The following STPG2 variants were observed in gnomAD, a reference collection of about 807,000 sequenced individuals.
STPG2 encodes sperm-tail PG-rich repeat-containing protein 2.
Under a neutral mutation model 54.2 loss-of-function variants are expected in STPG2, and 56 were observed. The observed-to-expected ratio is 1.03, with a 90% CI of 0.83 to 1.29. The LOEUF (loss-of-function observed/expected upper bound fraction) is 1.29, where lower values mean the gene tolerates loss of function less well. Among genes scored for constraint, STPG2 ranks in the 50% most tolerant of loss-of-function variants. The pLI is 0.00. For missense variants in STPG2, 596 were observed against 544.9 expected (o/e 1.09, Z -0.93); for synonymous variants, 200 against 181.8 (o/e 1.10, Z -0.81).
At chr4:97,639,237 T>C (rs1237019453) in intron 10 of STPG2, among the ~76,000 whole-genome samples, 1 of 151,462 alleles carries the variant, frequency 6.6e-6, no homozygotes, top group East Asian at 2.0e-4. Flanking sequence ...CAGTAAACTA[T>C]CGCAAGAACA....
chr4:97,496,317 A>G (rs1730609994), intron 4 of STPG2, among the ~76,000 whole-genome samples: 1 of 151,720 alleles, frequency 6.6e-6, no homozygotes, highest in Admixed American at 6.6e-5. Flanking sequence ...AGTTGAACAG[A>G]ATGTCCTTTG....
chr4:97,944,108 G>A, intron 7 of STPG2, 101 bp from the exon 8 acceptor site: 15 of 730,826 alleles, frequency 2.1e-5, no homozygotes, highest in South Asian at 8.7e-5. Context: ...AGTATTATCT[G>A]GCATTAAATA....
intron 8 of STPG2, among the ~76,000 whole-genome samples, chr4:97,927,439 C>A (rs75780441): frequency 0.019 from 2,840 of 152,106 alleles, 94 homozygotes; most frequent in African/African-American, 0.065. Flanking sequence ...ACCTGATAGT[C>A]AACTTTTAGT....
chr4:97,955,957 A>G (rs926762974), intron 7 of STPG2, among the ~76,000 whole-genome samples: 3 of 152,338 alleles, frequency 2.0e-5, no homozygotes, highest in African/African-American at 7.2e-5. Context: ...GCAGACCTGG[A>G]CCAGAAGAAA....
intron 4 of STPG2, among the ~76,000 whole-genome samples, chr4:97,443,626 T>C (rs1449282290): frequency 3.3e-5 from 5 of 152,220 alleles, no homozygotes; most frequent in African/African-American, 1.2e-4. Context: ...CATCAACTCT[T>C]AACAAAAATG....
At chr4:97,823,818 C>G (rs560932685) in intron 9 of STPG2, among the ~76,000 whole-genome samples, 6 of 152,044 alleles carry the variant, frequency 3.9e-5, no homozygotes, top group Non-Finnish European at 8.8e-5. Context: ...CGAGGCCCAA[C>G]CTAGGAAATT....
At chr4:97,599,616 G>A (rs1733401433) in intron 10 of STPG2, among the ~76,000 whole-genome samples, 1 of 152,060 alleles carries the variant, frequency 6.6e-6, no homozygotes, top group African/African-American at 2.4e-5. Context: ...CAGGTCAGGA[G>A]ATCAAGACCA....
chr4:97,772,413 G>T (rs546327110), intron 9 of STPG2, among the ~76,000 whole-genome samples: 2 of 152,288 alleles, frequency 1.3e-5, no homozygotes, highest in South Asian at 4.1e-4. Flanking sequence ...AGTTTTTAAT[G>T]TAAATAGTGA....
intron 4 of STPG2, among the ~76,000 whole-genome samples, chr4:97,508,068 G>C (rs1399769702): frequency 1.3e-5 from 2 of 151,978 alleles, no homozygotes; most frequent in African/African-American, 4.8e-5. Context: ...AAGCTATATA[G>C]GAGCCCACTA....
intron 4 of STPG2, among the ~76,000 whole-genome samples, chr4:97,512,026 C>CT (rs937301120): frequency 1.3e-5 from 2 of 151,694 alleles, no homozygotes; most frequent in Non-Finnish European, 2.9e-5. Flanking sequence ...GTTTTTTCAA[C>CT]TTTTTTTTCT....
At chr4:98,017,608 A>C (rs1736003558) in intron 5 of STPG2, among the ~76,000 whole-genome samples, 1 of 152,130 alleles carries the variant, frequency 6.6e-6, no homozygotes, top group Non-Finnish European at 1.5e-5. Context: ...AGATACTGTA[A>C]ACTCTTATCT....
intron 4 of STPG2, among the ~76,000 whole-genome samples, chr4:97,480,597 T>C (rs9992086): frequency 0.16 from 24,606 of 151,526 alleles, 4,013 homozygotes; most frequent in African/African-American, 0.42. Flanking sequence ...TATTAATCAT[T>C]AATACTGGAT....
rs541334353 is a variant in STPG2, at chr4:97,480,053, T to C, written c.462+232646A>G. ...GAAACTGGTTCTTTGAAAAGATCAG[T>C]ATAACTGACAAACTTCAAAATGATC... is the stretch of plus-strand genomic sequence containing the variant. On this transcript the variant is annotated intron_variant, in intron 4 of 4. Coordinates refer to the STPG2 transcript ENST00000522676. Among the ~76,000 whole-genome samples, 203 of 151,802 alleles carry C rather than the reference T, an allele frequency of 1.3e-3. 1 individual carries two copies. The highest frequency in any genetic ancestry group is 4.7e-3 in the African/African-American group (195 of 41,526).
At chr4:97,831,953 T>C (rs1472345542) in intron 9 of STPG2, among the ~76,000 whole-genome samples, 1 of 152,190 alleles carries the variant, frequency 6.6e-6, no homozygotes, top group Non-Finnish European at 1.5e-5. Flanking sequence ...AAAGAGGAGC[T>C]GGTACCATTC....
chr4:97,647,085 C>T (rs1317726979), intron 10 of STPG2, among the ~76,000 whole-genome samples: 1 of 152,074 alleles, frequency 6.6e-6, no homozygotes, highest in Admixed American at 6.6e-5. Context: ...TTTTCTATCA[C>T]CCACTAAAAC....
At chr4:98,004,749 G>A (rs1735522673) in intron 5 of STPG2, among the ~76,000 whole-genome samples, 1 of 151,986 alleles carries the variant, frequency 6.6e-6, no homozygotes, top group Non-Finnish European at 1.5e-5. Context: ...GTGATGTTAA[G>A]CATTTTTTCA....
At chr4:97,964,101 C>A (rs1364298912) in intron 7 of STPG2, among the ~76,000 whole-genome samples, 1 of 152,106 alleles carries the variant, frequency 6.6e-6, no homozygotes, top group Admixed American at 6.6e-5. Context: ...ACAAAGGTGA[C>A]CTGCCACAGT....
intron 5 of STPG2, among the ~76,000 whole-genome samples, chr4:98,008,150 C>A (rs554449667): frequency 2.6e-5 from 4 of 152,052 alleles, no homozygotes; most frequent in Non-Finnish European, 5.9e-5. Flanking sequence ...ATACAGTTAT[C>A]AGGCTGTCAT....
chr4:97,784,527 G>A (rs193076295), intron 9 of STPG2, among the ~76,000 whole-genome samples: 6 of 151,642 alleles, frequency 4.0e-5, no homozygotes, highest in African/African-American at 7.3e-5. Context: ...ACTTTCCTTC[G>A]TCATTTCTGA....
Sources: allele counts gnomAD v4.1 joint callset (sites outside exome capture counted in the v4.1 genomes callset), GRCh38; gene constraint gnomAD v4.1.1; transcripts MANE v1.5; gene names NCBI Gene and HGNC (gene_info 2026-07-23, HGNC 2026-07-21).